The following OXR1 variants were observed in gnomAD, a reference collection of about 807,000 sequenced individuals.
OXR1 encodes the protein oxidation resistance protein 1.
A neutral mutation model predicts 104.6 loss-of-function variants in OXR1; 41 were observed. That is an observed-to-expected ratio of 0.39 (90% CI 0.31 to 0.51). The LOEUF (loss-of-function observed/expected upper bound fraction) is 0.51, where lower values mean the gene tolerates loss of function less well. Among genes scored for constraint, OXR1 ranks in the 20% least tolerant of loss-of-function variants. OXR1 has a pLI of 0.77. For synonymous variants in OXR1, 348 were observed against 348.4 expected (o/e 1.00, Z 0.01); for missense variants, 955 against 1,031.9 (o/e 0.93, Z 1.02).
At chr8:106,696,195 G>T (rs1830013217) in intron 7 of OXR1, among the ~76,000 whole-genome samples, 1 of 151,924 alleles carries the variant, frequency 6.6e-6, no homozygotes. Flanking sequence ...CCTTTTTTTA[G>T]AGTGTCATAT....
intron 3 of OXR1, among the ~76,000 whole-genome samples, chr8:106,574,561 A>T (rs1488379372): frequency 1.3e-5 from 2 of 152,224 alleles, no homozygotes; most frequent in Admixed American, 1.3e-4. Flanking sequence ...GCACAGTTAA[A>T]CCCTGTATCT....
chr8:106,493,901 T>G (rs1453877594), intron 2 of OXR1, among the ~76,000 whole-genome samples: 2 of 152,184 alleles, frequency 1.3e-5, no homozygotes, highest in Admixed American at 6.6e-5. Flanking sequence ...CTTTCTGAAC[T>G]GGGTATCAAA....
chr8:106,530,342 G>A (rs1221899867), intron 3 of OXR1, among the ~76,000 whole-genome samples: 1 of 152,022 alleles, frequency 6.6e-6, no homozygotes, highest in Non-Finnish European at 1.5e-5. Context: ...GTGTCATCCA[G>A]GTTGGAGAGC....
rs923125094 is a variant in OXR1, at chr8:106,752,021, A to G, written c.*1080A>G. On this transcript the variant is annotated 3_prime_UTR_variant, in exon 17 of 17. Transcript: ENST00000517566. Reference sequence around the variant, plus strand: ...ACTGTCAAGTGACCTCAAAAAAAAAATGAAAAGATAGAATACACTAGTAGT... The same window carrying G: ...ACTGTCAAGTGACCTCAAAAAAAAAGTGAAAAGATAGAATACACTAGTAGT... 28 of 152,532 alleles carry G rather than the reference A, an allele frequency of 1.8e-4. No individual in the cohort carries two copies. The highest frequency in any genetic ancestry group is 6.5e-4 in the African/African-American group (27 of 41,444). 9.4% of individuals were successfully genotyped at this position (152,532 alleles called of 1,614,324 possible).
intron 3 of OXR1, among the ~76,000 whole-genome samples, chr8:106,674,124 T>C (rs1827328254): frequency 6.6e-6 from 1 of 152,162 alleles, no homozygotes; most frequent in Admixed American, 6.5e-5. Context: ...CAGCTTGCAC[T>C]GTGCACCTGG....
chr8:106,412,177 T>C (rs1818481537), intron 2 of OXR1, among the ~76,000 whole-genome samples: 6 of 152,168 alleles, frequency 3.9e-5, no homozygotes, highest in Admixed American at 3.9e-4. Flanking sequence ...TTTCTAACAT[T>C]TGACCCTCAA....
chr8:106,508,087 G>A (rs1812286590), intron 2 of OXR1, among the ~76,000 whole-genome samples: 1 of 152,130 alleles, frequency 6.6e-6, no homozygotes, highest in African/African-American at 2.4e-5. Context: ...TTGGGGTGGG[G>A]TCCTTGCCCC....
At chr8:106,282,850 G>T (rs1253945255) in intron 1 of OXR1, among the ~76,000 whole-genome samples, 1 of 152,094 alleles carries the variant, frequency 6.6e-6, no homozygotes, top group Admixed American at 6.5e-5. Context: ...TATTAATAAA[G>T]AAACACATAG....
At chr8:106,584,957 A>T (rs73699596) in intron 3 of OXR1, among the ~76,000 whole-genome samples, 3,693 of 152,180 alleles carry the variant, frequency 0.024, 59 homozygotes, top group African/African-American at 0.053. Context: ...GTCAATTAGA[A>T]CTAGCTATTT....
intron 16 of OXR1, among the ~76,000 whole-genome samples, chr8:106,748,042 C>T (rs745747115): frequency 1.1e-4 from 17 of 152,262 alleles, no homozygotes; most frequent in South Asian, 4.1e-4. Context: ...AGTCTATTCG[C>T]GCTTTTAAGG....
intron 3 of OXR1, among the ~76,000 whole-genome samples, chr8:106,584,076 T>A (rs1818446140): frequency 6.6e-6 from 1 of 151,964 alleles, no homozygotes; most frequent in Admixed American, 6.6e-5. Context: ...TAAAATAGAT[T>A]GTATCCAGGA....
intron 2 of OXR1, among the ~76,000 whole-genome samples, chr8:106,368,570 G>T (rs1294729023): frequency 6.6e-6 from 1 of 151,742 alleles, no homozygotes; most frequent in East Asian, 1.9e-4. Context: ...CCCCCAACAG[G>T]CCCTGATGTG....
At chr8:106,529,766 T>G (rs1813952581) in intron 3 of OXR1, among the ~76,000 whole-genome samples, 1 of 152,224 alleles carries the variant, frequency 6.6e-6, no homozygotes, top group Non-Finnish European at 1.5e-5. Context: ...ATGGTTTTGG[T>G]ATTATGTCTG....
chr8:106,686,041 C>A (rs995916974), intron 6 of OXR1, among the ~76,000 whole-genome samples: 1 of 152,092 alleles, frequency 6.6e-6, no homozygotes, highest in Non-Finnish European at 1.5e-5. Context: ...AACTAAACAT[C>A]GCACGTACTC....
intron 3 of OXR1, among the ~76,000 whole-genome samples, chr8:106,590,322 C>G (rs1292333291): frequency 6.6e-6 from 1 of 151,988 alleles, no homozygotes; most frequent in East Asian, 1.9e-4. Context: ...GAGTCTCGCT[C>G]TGTCGCCCAG....
intron 2 of OXR1, among the ~76,000 whole-genome samples, chr8:106,428,890 G>A (rs1337337629): frequency 1.3e-5 from 2 of 151,906 alleles, no homozygotes; most frequent in African/African-American, 4.8e-5. Context: ...CAGTATATAC[G>A]AGACTCATGG....
At chr8:106,282,647 CAT>C (rs1324120521) in intron 1 of OXR1, among the ~76,000 whole-genome samples, 6 of 152,124 alleles carry the variant, frequency 3.9e-5, no homozygotes, top group East Asian at 1.9e-4. Flanking sequence ...AGGAAGATAA[CAT>C]ATGTTTATAC....
intron 2 of OXR1, among the ~76,000 whole-genome samples, chr8:106,437,234 CT>C (rs1427298858): frequency 6.6e-6 from 1 of 152,090 alleles, no homozygotes; most frequent in Non-Finnish European, 1.5e-5. Flanking sequence ...TGGTTAATCT[CT>C]TTTAAAATAG....
intron 3 of OXR1, among the ~76,000 whole-genome samples, chr8:106,521,918 C>T (rs993492146): frequency 1.3e-5 from 2 of 152,102 alleles, no homozygotes; most frequent in African/African-American, 4.8e-5. Flanking sequence ...CGTCTACAAG[C>T]CAATATGCTC....
Sources: gnomAD v4.1 joint callset for allele counts (sites outside exome capture counted in the v4.1 genomes callset) on GRCh38, gnomAD v4.1.1 for gene constraint, MANE v1.5 for transcripts, NCBI Gene and HGNC (gene_info 2026-07-23, HGNC 2026-07-21) for gene names.